Variants in CNTNAP5 observed in about 807,000 individuals in gnomAD.
The protein encoded by CNTNAP5 is contactin-associated protein-like 5.
A neutral mutation model predicts 150.2 loss-of-function variants in CNTNAP5; 72 were observed. The observed-to-expected ratio is 0.48, with a 90% CI of 0.40 to 0.58. The LOEUF (loss-of-function observed/expected upper bound fraction) is 0.58, where lower values mean the gene tolerates loss of function less well. Ranked by LOEUF, CNTNAP5 falls within the 20% of genes least tolerant of loss-of-function variation. CNTNAP5 has a pLI of 0.00. For missense variants in CNTNAP5, 1,636 were observed against 1,626.2 expected (o/e 1.01, Z -0.10); for synonymous variants, 672 against 619.8 (o/e 1.08, Z -1.25).
At chr2:124,523,767 T>C (rs912360553) in intron 8 of CNTNAP5, among the ~76,000 whole-genome samples, 1 of 152,158 alleles carries the variant, frequency 6.6e-6, no homozygotes, top group Non-Finnish European at 1.5e-5. Flanking sequence ...AACGCTGCAA[T>C]TGGATTATAT....
At chr2:124,665,988 T>C (rs1678693150) in intron 13 of CNTNAP5, among the ~76,000 whole-genome samples, 2 of 152,190 alleles carry the variant, frequency 1.3e-5, no homozygotes, top group Non-Finnish European at 2.9e-5. Flanking sequence ...TGTGTTTTTG[T>C]GTACATGTAT....
chr2:124,639,935 C>T (rs575909159), intron 12 of CNTNAP5, among the ~76,000 whole-genome samples: 3 of 152,084 alleles, frequency 2.0e-5, no homozygotes, highest in African/African-American at 2.4e-5. Flanking sequence ...CCCACCCACT[C>T]CCCCCTTTGC....
intron 13 of CNTNAP5, among the ~76,000 whole-genome samples, chr2:124,723,787 C>T (rs1458935758): frequency 6.6e-6 from 1 of 152,124 alleles, no homozygotes; most frequent in African/African-American, 2.4e-5. Flanking sequence ...CTTACAAGGA[C>T]ACGAGCCAAA....
chr2:124,731,384 G>A (rs1680267224), intron 13 of CNTNAP5, among the ~76,000 whole-genome samples: 1 of 151,200 alleles, frequency 6.6e-6, no homozygotes, highest in Non-Finnish European at 1.5e-5. Flanking sequence ...AGCAGATAAT[G>A]CTTATTAACC....
intron 1 of CNTNAP5, among the ~76,000 whole-genome samples, chr2:124,084,508 A>G (rs77784861): frequency 0.063 from 9,532 of 152,038 alleles, 410 homozygotes; most frequent in East Asian, 0.19. Context: ...TGGACTCAAG[A>G]TCCATCCACC....
In CNTNAP5 at chr2:124,832,028, C is replaced by T. The variant is rs1024122183; in HGVS notation, c.3218-33278C>T. On this transcript the variant is annotated intron_variant, in intron 19 of 23. Coordinates refer to ENST00000682447, the MANE Select transcript of CNTNAP5 (RefSeq NM_001367498.1). ...ATTAAACCAACAATATTAAATTAGT[C>T]TTACTTATAAAAAGAATACACACAG... is the stretch of plus-strand genomic sequence containing the variant. 2.6e-5 allele frequency among the ~76,000 whole-genome samples: 4 copies of T among 151,970 alleles called. 1 individual carries two copies. Among genetic ancestry groups the T allele is most frequent in the Non-Finnish European group, 4.4e-5 (3 of 67,920 alleles).
chr2:124,815,601 C>T (rs1453603596), intron 19 of CNTNAP5, among the ~76,000 whole-genome samples: 2 of 152,200 alleles, frequency 1.3e-5, no homozygotes, highest in African/African-American at 4.8e-5. Context: ...ATGATATTGA[C>T]TTACAACTAC....
In CNTNAP5 at chr2:124,373,330, G is replaced by A. The variant is rs190533835; in HGVS notation, c.382-44113G>A. On this transcript the variant is annotated intron_variant, in intron 3 of 23. Transcript: ENST00000682447. ...ATTCTCATCCATTGAAAGGATCCTG[G>A]CATACTCATTCAAAATTGACCACAA... is the stretch of plus-strand genomic sequence containing the variant. 5.3e-5 allele frequency among the ~76,000 whole-genome samples: 8 copies of A among 152,230 alleles called. No homozygotes were observed. The East Asian group carries it at 7.7e-4, about 15-fold the overall frequency.
chr2:124,229,349 G>A (rs924548272), intron 2 of CNTNAP5, among the ~76,000 whole-genome samples: 42 of 152,122 alleles, frequency 2.8e-4, no homozygotes, highest in African/African-American at 9.4e-4. Context: ...TGGGCAATCC[G>A]GCACACGAGG....
intron 3 of CNTNAP5, among the ~76,000 whole-genome samples, chr2:124,290,702 C>G (rs1688264844): frequency 6.6e-6 from 1 of 152,038 alleles, no homozygotes; most frequent in Non-Finnish European, 1.5e-5. Context: ...GCAATTCACT[C>G]AGTAGGCATT....
chr2:124,512,228 A>G (rs1343461045), intron 8 of CNTNAP5, among the ~76,000 whole-genome samples: 1 of 151,828 alleles, frequency 6.6e-6, no homozygotes, highest in African/African-American at 2.4e-5. Context: ...GATTCCATTA[A>G]AGCATCTTCT....
At position 124,518,994 on chromosome 2, in the gene CNTNAP5, C is replaced by CAAA. The variant is rs35578704; in HGVS notation, c.1328-5287_1328-5285dup. ...GCAAAGTGTACTTTAGCCTGGGCCG[C>CAAA]AAAAAAAAAAAAAAAAAAAAAAAAG... On this transcript the variant is annotated intron_variant, in intron 8 of 23. Transcript: ENST00000682447. 8.0e-3 allele frequency among the ~76,000 whole-genome samples: 381 copies of CAAA among 47,876 alleles called. 16 individuals carry two copies. The highest frequency in any genetic ancestry group is 0.017 in the East Asian group (30 of 1,732). 31.4% of individuals were successfully genotyped at this position (47,876 alleles called of 152,430 possible). A position where few individuals can be genotyped will look rare whatever the true frequency, so the allele number is the denominator to read the frequency against.
At chr2:124,295,203 CT>C (rs71394033) in intron 3 of CNTNAP5, among the ~76,000 whole-genome samples, 4,963 of 137,870 alleles carry the variant, frequency 0.036, 156 homozygotes, top group African/African-American at 0.095. Flanking sequence ...AGGTTGATTT[CT>C]TTTTTTTTTT....
chr2:124,597,572 A>C (rs2104968206), intron 11 of CNTNAP5, among the ~76,000 whole-genome samples: 1 of 151,334 alleles, frequency 6.6e-6, no homozygotes, highest in Admixed American at 6.6e-5. Context: ...GGCTGCCCTT[A>C]ACATTTTTTT....
At chr2:124,213,685 A>G (rs1257544440) in intron 1 of CNTNAP5, among the ~76,000 whole-genome samples, 1 of 152,210 alleles carries the variant, frequency 6.6e-6, no homozygotes, top group Non-Finnish European at 1.5e-5. Flanking sequence ...AATTAGATTT[A>G]GAGCATGAAA....
intron 19 of CNTNAP5, among the ~76,000 whole-genome samples, chr2:124,818,533 TA>T (rs1168535794): frequency 1.3e-5 from 2 of 151,898 alleles, no homozygotes; most frequent in South Asian, 2.1e-4. Context: ...ACCTGTCTCT[TA>T]AAAAAAATAC....
At position 124,745,395 on chromosome 2, in the gene CNTNAP5, A is replaced by G. The variant is rs187998588; in HGVS notation, c.2078-1834A>G. On this transcript the variant is annotated intron_variant, in intron 13 of 23. Coordinates refer to ENST00000682447, the MANE Select transcript of CNTNAP5 (RefSeq NM_001367498.1). ...CTTTCCATTCTTGGGCCCAAGGACA[A>G]CACTGACAAATGTATTCAAATACAA... Among the ~76,000 whole-genome samples, 3 of 152,222 alleles carry G rather than the reference A, an allele frequency of 2.0e-5. No homozygotes were observed. In the East Asian group the frequency reaches 5.8e-4, roughly 30 times the overall value.
intron 19 of CNTNAP5, among the ~76,000 whole-genome samples, chr2:124,831,485 AT>A (rs1203696842): frequency 1.3e-5 from 2 of 151,378 alleles, no homozygotes; most frequent in Non-Finnish European, 3.0e-5. Flanking sequence ...AAAATGATGC[AT>A]TTTTATGCTT....
At chr2:124,135,979 C>T (rs1380496307) in intron 1 of CNTNAP5, among the ~76,000 whole-genome samples, 5 of 152,162 alleles carry the variant, frequency 3.3e-5, no homozygotes, top group East Asian at 3.9e-4. Flanking sequence ...CTTGTGGTGG[C>T]GTTGAACCTT....
Sources: gnomAD v4.1 joint callset for allele counts (sites outside exome capture counted in the v4.1 genomes callset) on GRCh38, gnomAD v4.1.1 for gene constraint, MANE v1.5 for transcripts, NCBI Gene and HGNC (gene_info 2026-07-23, HGNC 2026-07-21) for gene names.